Variants in RPS6KC1 observed in about 807,000 individuals in gnomAD.
The protein encoded by RPS6KC1 is inactive ribosomal protein S6 kinase delta-1.
Under a neutral mutation model 103.8 loss-of-function variants are expected in RPS6KC1, and 54 were observed. That is an observed-to-expected ratio of 0.52 (90% confidence interval 0.42 to 0.65). The LOEUF is 0.65. Ranked by LOEUF, RPS6KC1 falls within the 30% of genes least tolerant of loss-of-function variation. The probability of loss-of-function intolerance (pLI) is 0.00; values close to 1 mark genes in which losing one functional copy is unlikely to be tolerated. For synonymous variants in RPS6KC1, 439 were observed against 438.7 expected (o/e 1.00, Z -0.01); for missense variants, 1,151 against 1,253.8 (o/e 0.92, Z 1.24).
chr1:213,588,093 T>G, the RPS6KC1 span, among the ~76,000 whole-genome samples: 1 of 152,102 alleles, frequency 6.6e-6, no homozygotes, highest in Non-Finnish European at 1.5e-5. Flanking sequence ...CTCTTTGTTT[T>G]GAGACAGGGT....
the RPS6KC1 span, among the ~76,000 whole-genome samples, chr1:213,435,146 T>C: frequency 6.6e-6 from 1 of 152,236 alleles, no homozygotes; most frequent in African/African-American, 2.4e-5. Flanking sequence ...ATATTTCTCC[T>C]GGAATGTCTA....
chr1:213,117,226 T>A, intron 4 of RPS6KC1, 91 bp from the exon 5 acceptor site: 1 of 717,446 alleles, frequency 1.4e-6, no homozygotes. Context: ...TCTGTACATC[T>A]TTACACATAC....
chr1:213,639,711 A>G, the RPS6KC1 span, among the ~76,000 whole-genome samples: 1 of 152,036 alleles, frequency 6.6e-6, no homozygotes, highest in African/African-American at 2.4e-5. Context: ...TGACATATTT[A>G]TGAATATTGA....
chr1:213,360,513 T>G, the RPS6KC1 span, among the ~76,000 whole-genome samples: 25 of 152,352 alleles, frequency 1.6e-4, no homozygotes, highest in African/African-American at 6.0e-4. Flanking sequence ...CTTCCTCCTT[T>G]AGCTCAGAGA....
chr1:213,742,909 CG>C, the RPS6KC1 span, among the ~76,000 whole-genome samples: 1 of 152,212 alleles, frequency 6.6e-6, no homozygotes, highest in African/African-American at 2.4e-5. Flanking sequence ...TGCAGAGAAA[CG>C]GGAACACTTA....
chr1:213,423,011 C>G, the RPS6KC1 span, among the ~76,000 whole-genome samples: 5 of 152,238 alleles, frequency 3.3e-5, no homozygotes, highest in African/African-American at 1.2e-4. Flanking sequence ...GTTTCACTAG[C>G]AAGGCATCCC....
the RPS6KC1 span, among the ~76,000 whole-genome samples, chr1:213,532,115 C>T: frequency 1.3e-5 from 2 of 152,144 alleles, no homozygotes; most frequent in Non-Finnish European, 2.9e-5. Context: ...ATGGCAATTG[C>T]CCCCTTCTGC....
chr1:213,074,247 G>A (rs895375724), intron 2 of RPS6KC1, among the ~76,000 whole-genome samples: 8 of 152,158 alleles, frequency 5.3e-5, no homozygotes, highest in African/African-American at 1.9e-4. Context: ...TTAAGGGAAT[G>A]TTTTTAAAAT....
At chr1:213,212,973 C>T (rs951568654) in intron 8 of RPS6KC1, among the ~76,000 whole-genome samples, 4 of 152,154 alleles carry the variant, frequency 2.6e-5, no homozygotes, top group African/African-American at 9.7e-5. Flanking sequence ...GGTCCATTAT[C>T]AGATGTATCA....
Position 213,145,516 on chromosome 1 carries a change from G to A in RPS6KC1, c.835+15627G>A, listed in dbSNP as rs544821954. Among the ~76,000 whole-genome samples, 14 of 152,078 alleles carry A rather than the reference G, an allele frequency of 9.2e-5. No homozygotes were observed. The East Asian group carries it at 1.3e-3, about 15-fold the overall frequency. On this transcript the variant is annotated intron_variant, in intron 6 of 14. Coordinates refer to ENST00000366960, the MANE Select transcript of RPS6KC1 (RefSeq NM_012424.6). ...AGTGTATGCTGTGGGGAAACTACTC[G>A]AGACCAAAAAAGATATCCCAAAAGG...
At chr1:213,188,329 G>A (rs1400345375) in intron 8 of RPS6KC1, among the ~76,000 whole-genome samples, 2 of 151,986 alleles carry the variant, frequency 1.3e-5, no homozygotes, top group African/African-American at 4.8e-5. Context: ...GAGATTTTCT[G>A]CTTGGTGCCA....
chr1:213,210,239 A>G (rs550540913), intron 8 of RPS6KC1, among the ~76,000 whole-genome samples: 9 of 152,254 alleles, frequency 5.9e-5, no homozygotes, highest in African/African-American at 1.9e-4. Context: ...TGACAATAAT[A>G]TTTATCTATA....
the RPS6KC1 span, among the ~76,000 whole-genome samples, chr1:213,666,127 AAGAG>A: frequency 6.6e-6 from 1 of 152,200 alleles, no homozygotes; most frequent in Non-Finnish European, 1.5e-5. Flanking sequence ...CTTATAGTCT[AAGAG>A]AGAAAATGAA....
At chr1:213,356,551 G>A in the RPS6KC1 span, among the ~76,000 whole-genome samples, 2 of 152,220 alleles carry the variant, frequency 1.3e-5, no homozygotes, top group African/African-American at 2.4e-5. Context: ...AGCTACTTGG[G>A]AGGCTGAGGC....
At chr1:213,525,966 G>A in the RPS6KC1 span, among the ~76,000 whole-genome samples, 4 of 152,154 alleles carry the variant, frequency 2.6e-5, no homozygotes, top group Non-Finnish European at 5.9e-5. Context: ...GGGAAGAAAG[G>A]GTGGGGCTAT....
At chr1:213,625,018 T>C in the RPS6KC1 span, among the ~76,000 whole-genome samples, 4 of 152,262 alleles carry the variant, frequency 2.6e-5, no homozygotes, top group Middle Eastern at 3.4e-3. Context: ...AGCCTCACTC[T>C]GTCGCCCAGG....
the RPS6KC1 span, among the ~76,000 whole-genome samples, chr1:213,529,308 G>C: frequency 2.0e-5 from 3 of 152,278 alleles, no homozygotes; most frequent in East Asian, 5.8e-4. Context: ...CCTCCATGGT[G>C]GTGGGGAATG....
At chr1:213,307,763 C>T in the RPS6KC1 span, among the ~76,000 whole-genome samples, 1 of 152,154 alleles carries the variant, frequency 6.6e-6, no homozygotes, top group Admixed American at 6.5e-5. Flanking sequence ...AGGATCTATA[C>T]AGTGAAACTC....
the RPS6KC1 span, among the ~76,000 whole-genome samples, chr1:213,697,162 G>A: frequency 1.3e-5 from 2 of 152,250 alleles, no homozygotes; most frequent in African/African-American, 4.8e-5. Flanking sequence ...CAGCATATGT[G>A]GGTGGAGGCA....
Sources: gnomAD v4.1 joint callset for allele counts (sites outside exome capture counted in the v4.1 genomes callset) on GRCh38, gnomAD v4.1.1 for gene constraint, MANE v1.5 for transcripts, NCBI Gene and HGNC (gene_info 2026-07-23, HGNC 2026-07-21) for gene names.